TRIM48: variants seen among roughly 807,000 people sequenced by gnomAD.
TRIM48 encodes the protein tripartite motif containing 48.
TRIM48 carries 31 observed loss-of-function variants against 29.5 expected under a neutral mutation model. The observed-to-expected ratio is 1.05, with a 90% CI of 0.79 to 1.42. The LOEUF is 1.42. TRIM48 is among the 40% of genes most tolerant of loss of function. The pLI is 0.00. For missense variants in TRIM48, 344 were observed against 265.0 expected (o/e 1.30, Z -2.07); for synonymous variants, 128 against 90.6 (o/e 1.41, Z -2.34).
Position 55,266,953 on chromosome 11 carries a change from G to A in TRIM48, c.555+1258G>A, listed in dbSNP as rs960480195. ...CCAAATCATAAATGCAGCTTTATTAGGATAGGTTTTGCTGGGCGAAATGCA... is the reference window on the plus strand; with the variant it reads ...CCAAATCATAAATGCAGCTTTATTAAGATAGGTTTTGCTGGGCGAAATGCA... On this transcript the variant is annotated intron_variant, in intron 3 of 5. Transcript: ENST00000417545. 3.4e-5 allele frequency among the ~76,000 whole-genome samples: 5 copies of A among 147,750 alleles called. 2 individuals carry two copies. In the Admixed American group the frequency reaches 3.4e-4, roughly 10 times the overall value.
chr11:55,270,667 G>A lies in TRIM48; in HGVS notation c.*232G>A. 1.3e-6 allele frequency: 2 copies of A among 1,577,844 alleles called. No individual in the cohort carries two copies. The highest frequency in any genetic ancestry group is 1.7e-6 in the Non-Finnish European group (2 of 1,160,914). On this transcript the variant is annotated 3_prime_UTR_variant, in exon 6 of 6. Coordinates refer to ENST00000417545, the MANE Select transcript of TRIM48 (RefSeq NM_024114.5). ...TGGTGTCTGTAATAAGTATTGGAAAGGGAAGAATCAGAATGGCAATATATA... is the reference window on the plus strand; with the variant it reads ...TGGTGTCTGTAATAAGTATTGGAAAAGGAAGAATCAGAATGGCAATATATA...
intron 3 of TRIM48, chr11:55,267,699 A>G (rs1291820917): frequency 1.3e-6 from 2 of 1,539,896 alleles, no homozygotes; most frequent in Non-Finnish European, 1.8e-6. Flanking sequence ...TATTTTCCTC[A>G]TGGCTGAAAT....
chr11:55,271,099 A>T lies in TRIM48; in HGVS notation c.*664A>T. ...CATTTATTGTGTTACTATTAAATGT[A>T]GTAAAAACACTAAAAGTATATATAT... On this transcript the variant is annotated 3_prime_UTR_variant, in exon 6 of 6. Transcript: ENST00000417545. 1 of 926,078 alleles carries T rather than the reference A, an allele frequency of 1.1e-6. No individual in the cohort carries two copies. Among genetic ancestry groups the T allele is most frequent in the Non-Finnish European group, 1.5e-6 (1 of 661,448 alleles). The allele number at this position is 926,078 out of a possible 1,614,324, so 57.4% of individuals were successfully genotyped here.
At chr11:55,270,327 G>T in intron 5 of TRIM48, 110 bp from the exon 6 acceptor site, 1 of 871,032 alleles carries the variant, frequency 1.1e-6, no homozygotes. Flanking sequence ...GTGACTTTAC[G>T]TTTCCTGGTA....
At chr11:55,268,053 T>C (rs1180462699) in intron 3 of TRIM48, among the ~76,000 whole-genome samples, 1 of 147,758 alleles carries the variant, frequency 6.8e-6, no homozygotes, top group Non-Finnish European at 1.5e-5. Context: ...GATAATAGGT[T>C]CTGGGAAAGA....
rs556024954 is a variant in TRIM48, at chr11:55,268,475, A to AT, written c.578+112dup. ...CATAAACGATTAAGATATTGATACT[A>AT]TTTTTTTTTGCATCTTCTTTCATTC... On this transcript the variant is annotated intron_variant, in intron 4 of 5. Transcript: ENST00000417545. The AT allele has an allele frequency of 2.7e-3, 3,099 of 1,153,448 alleles. 110 individuals carry two copies. The highest frequency in any genetic ancestry group is 7.0e-3 in the South Asian group (428 of 61,268). 71.5% of individuals were successfully genotyped at this position (1,153,448 alleles called of 1,614,324 possible).
At position 55,263,034 on chromosome 11, in the gene TRIM48, T is replaced by C. The variant is rs141511327; in HGVS notation, c.44+723T>C. ...TTGCCAAAGACCATAGTTTATATAT[T>C]AGTCAGGGCTCTCCAGACAGACAGA... On this transcript the variant is annotated intron_variant, in intron 1 of 5. Transcript: ENST00000417545. 6.2e-3 allele frequency among the ~76,000 whole-genome samples: 940 copies of C among 152,210 alleles called. 13 individuals carry two copies. The highest frequency in any genetic ancestry group is 0.022 in the African/African-American group (907 of 41,536).
chr11:55,268,516 CA>C, intron 4 of TRIM48, 144 bp downstream of exon 4: 1 of 762,200 alleles, frequency 1.3e-6, no homozygotes, highest in Non-Finnish European at 2.1e-6. Context: ...CCAGAAAAGA[CA>C]AGACCACTAA....
At chr11:55,268,565 A>T (rs1291215746) in intron 4 of TRIM48, among the ~76,000 whole-genome samples, 193 bp downstream of exon 4, 1 of 147,702 alleles carries the variant, frequency 6.8e-6, no homozygotes, top group Non-Finnish European at 1.5e-5. Flanking sequence ...GTGAAGTAAA[A>T]TTTTAAAAAA....
intron 5 of TRIM48, among the ~76,000 whole-genome samples, chr11:55,269,611 G>A (rs558824860): frequency 1.4e-5 from 2 of 147,468 alleles, no homozygotes; most frequent in South Asian, 2.4e-4. Context: ...TAAAAAAGGA[G>A]CAAATGGAAC....
In TRIM48 at chr11:55,265,315, G is replaced by A. The variant is rs996659814; in HGVS notation, c.459+1G>A. 6.3e-7 allele frequency: 1 copy of A among 1,582,064 alleles called. No individual in the cohort carries two copies. The highest frequency in any genetic ancestry group is 8.6e-7 in the Non-Finnish European group (1 of 1,166,058). Reference sequence around the variant, plus strand: ...TGAGTGGGCTGCTGAGGAACACTGGGTAAGTGATGCCTCTGAAGATCTATT... The same window carrying A: ...TGAGTGGGCTGCTGAGGAACACTGGATAAGTGATGCCTCTGAAGATCTATT... On this transcript the variant is annotated splice_donor_variant, in intron 2 of 5. Transcript: ENST00000417545. LOFTEE classifies it high-confidence loss of function.
At chr11:55,264,006 T>G (rs1160558181) in intron 1 of TRIM48, among the ~76,000 whole-genome samples, 1 of 152,048 alleles carries the variant, frequency 6.6e-6, no homozygotes, top group African/African-American at 2.4e-5. Flanking sequence ...CACATGTCTC[T>G]CTCCTCCGGA....
At chr11:55,269,158 T>C in intron 4 of TRIM48, 84 bp from the exon 5 acceptor site, 1 of 1,485,848 alleles carries the variant, frequency 6.7e-7, no homozygotes, top group Non-Finnish European at 9.0e-7. Context: ...CAAAGGATTC[T>C]CATGAAATGT....
Position 55,267,721 on chromosome 11 carries a change from C to G in TRIM48, c.556-629C>G, listed in dbSNP as rs1857414827. Reference sequence around the variant, plus strand: ...CTCATGGCTGAAATCCATCTCCCTACCTTTATTTCCATGATGTGTTTCCAA... The same window carrying G: ...CTCATGGCTGAAATCCATCTCCCTAGCTTTATTTCCATGATGTGTTTCCAA... On this transcript the variant is annotated intron_variant, in intron 3 of 5. Transcript: ENST00000417545. 22 of 1,515,166 alleles carry G rather than the reference C, an allele frequency of 1.5e-5. 1 individual carries two copies. The highest frequency in any genetic ancestry group is 1.9e-5 in the Non-Finnish European group (21 of 1,129,312). 93.9% of individuals were successfully genotyped at this position (1,515,166 alleles called of 1,614,324 possible).
At chr11:55,262,913 C>T (rs542088063) in intron 1 of TRIM48, among the ~76,000 whole-genome samples, 5 of 152,150 alleles carry the variant, frequency 3.3e-5, no homozygotes, top group Admixed American at 1.3e-4. Context: ...CTTAGATGAC[C>T]TCTGGAGAAT....
At position 55,270,428 on chromosome 11, in the gene TRIM48, A is replaced by G. The variant is rs1445658856; in HGVS notation, c.*2-9A>G. 8 of 1,422,602 alleles carry G rather than the reference A, an allele frequency of 5.6e-6. No homozygotes were observed. The highest frequency in any genetic ancestry group is 7.6e-6 in the Non-Finnish European group (8 of 1,052,248). The allele number at this position is 1,422,602 out of a possible 1,614,324, so 88.1% of individuals were successfully genotyped here. A position where few individuals can be genotyped will look rare whatever the true frequency, so the allele number is the denominator to read the frequency against. ...TTTCTTTCTATTTATTTATTTATTT[A>G]TTTTGCAGTGGATATTACTCTGCAT... is the stretch of plus-strand genomic sequence containing the variant. On this transcript the variant is annotated splice_polypyrimidine_tract_variant and intron_variant, in intron 5 of 5. Transcript: ENST00000417545.
intron 1 of TRIM48, among the ~76,000 whole-genome samples, 175 bp downstream of exon 1, chr11:55,262,486 T>A (rs879157219): frequency 1.3e-5 from 2 of 152,198 alleles, no homozygotes; most frequent in South Asian, 4.1e-4. Flanking sequence ...TTTTGCATTT[T>A]CTATCATTCT....
rs752828316 is a variant in TRIM48, at chr11:55,262,236, G to A, written c.-32G>A. 14 of 1,542,486 alleles carry A rather than the reference G, an allele frequency of 9.1e-6. 1 individual carries two copies. The African/African-American group carries it at 1.2e-4, about 14-fold the overall frequency. Reference sequence around the variant, plus strand: ...TGAAACTCAGTACTGCAGCGAATGAGCTCCTGACCTTGAGGAGTACTTAAC... The same window carrying A: ...TGAAACTCAGTACTGCAGCGAATGAACTCCTGACCTTGAGGAGTACTTAAC... On this transcript the variant is annotated 5_prime_UTR_variant, in exon 1 of 6. Coordinates refer to ENST00000417545, the MANE Select transcript of TRIM48 (RefSeq NM_024114.5).
At chr11:55,264,546 G>T (rs1187784812) in intron 1 of TRIM48, among the ~76,000 whole-genome samples, 2 of 147,220 alleles carry the variant, frequency 1.4e-5, no homozygotes, top group Admixed American at 6.9e-5. Context: ...CACTCATTCG[G>T]CAGTCATATG....
Sources: gnomAD v4.1 joint callset for allele counts (sites outside exome capture counted in the v4.1 genomes callset) on GRCh38, gnomAD v4.1.1 for gene constraint, MANE v1.5 for transcripts, NCBI Gene and HGNC (gene_info 2026-07-23, HGNC 2026-07-21) for gene names.